Variants in PRKN observed in about 807,000 individuals in gnomAD.
PRKN encodes E3 ubiquitin-protein ligase parkin.
In PRKN, 56 loss-of-function variants were observed where a neutral mutation model predicts 59.5. The observed-to-expected ratio is 0.94, with a 90% CI of 0.76 to 1.18. PRKN has a LOEUF of 1.18. Among genes scored for constraint, PRKN ranks in the 50% most tolerant of loss-of-function variants. PRKN has a pLI of 0.00. For synonymous variants in PRKN, 250 were observed against 222.1 expected, an observed-to-expected ratio of 1.13 and a Z score of -1.12; for missense variants, 657 against 596.4, an observed-to-expected ratio of 1.10 and a Z score of -1.06.
intron 7 of PRKN, among the ~76,000 whole-genome samples, chr6:161,691,659 G>A (rs1272781799): frequency 6.6e-6 from 1 of 152,088 alleles, no homozygotes; most frequent in Non-Finnish European, 1.5e-5. Flanking sequence ...TATGCTTGGG[G>A]GGCATTTTAA....
At chr6:162,431,890 A>C (rs1434725151) in intron 2 of PRKN, among the ~76,000 whole-genome samples, 2 of 152,208 alleles carry the variant, frequency 1.3e-5, no homozygotes, top group Non-Finnish European at 2.9e-5. Flanking sequence ...CAAAGTAATT[A>C]GTGAATTTAT....
intron 2 of PRKN, among the ~76,000 whole-genome samples, chr6:162,299,709 G>A (rs1392668799): frequency 6.6e-6 from 1 of 150,890 alleles, no homozygotes; most frequent in East Asian, 1.9e-4. Flanking sequence ...GTGTCTATAG[G>A]TCTGTGTTTT....
intron 7 of PRKN, among the ~76,000 whole-genome samples, chr6:161,706,493 T>C (rs1309034458): frequency 6.6e-6 from 1 of 152,188 alleles, no homozygotes; most frequent in African/African-American, 2.4e-5. Flanking sequence ...GGTGCCTTAC[T>C]CATCTGTTCT....
rs558658196 is a variant in PRKN at position 162,111,397 on chromosome 6, A to G, written c.535-57223T>C. Among the ~76,000 whole-genome samples the G allele has an allele frequency of 4.6e-5, 7 of 152,182 alleles. No individual in the cohort carries two copies. In the South Asian group the frequency reaches 1.2e-3, roughly 27 times the overall value. ...GGAGAATGGTGTGAACCTGGGAGGC[A>G]GAGCTTGCAGTGAGCCGAGACTGCA... is the stretch of plus-strand genomic sequence containing the variant. On this transcript the variant is annotated intron_variant, in intron 4 of 11. Transcript: ENST00000366898.
At chr6:161,464,933 A>G (rs1285669517) in intron 9 of PRKN, among the ~76,000 whole-genome samples, 1 of 152,192 alleles carries the variant, frequency 6.6e-6, no homozygotes, top group African/African-American at 2.4e-5. Flanking sequence ...CCCACAAAAT[A>G]TCTCCTTGGA....
intron 6 of PRKN, among the ~76,000 whole-genome samples, chr6:161,972,274 C>CA (rs34466786): frequency 0.058 from 5,286 of 91,220 alleles, 240 homozygotes; most frequent in African/African-American, 0.18. Flanking sequence ...AACTCCTTCT[C>CA]AAAAAAAAAA....
chr6:161,849,441 C>T (rs116228717), intron 6 of PRKN, among the ~76,000 whole-genome samples: 173 of 152,074 alleles, frequency 1.1e-3, no homozygotes, highest in African/African-American at 3.9e-3. Flanking sequence ...ATTTTTTGTA[C>T]TCATTTAATA....
chr6:162,094,522 T>C (rs1583023383), intron 4 of PRKN, among the ~76,000 whole-genome samples: 2 of 151,126 alleles, frequency 1.3e-5, no homozygotes, highest in South Asian at 4.2e-4. Flanking sequence ...AATTAATTAA[T>C]TTAATTTAAT....
chr6:162,144,380 T>C (rs1484926811), intron 4 of PRKN, among the ~76,000 whole-genome samples: 1 of 152,184 alleles, frequency 6.6e-6, no homozygotes, highest in Non-Finnish European at 1.5e-5. Context: ...TTTGTAGAGG[T>C]GCTCAAAGTA....
intron 9 of PRKN, among the ~76,000 whole-genome samples, chr6:161,426,046 C>T (rs1026463522): frequency 1.3e-5 from 2 of 152,002 alleles, no homozygotes; most frequent in South Asian, 2.1e-4. Flanking sequence ...TGAGTGATGG[C>T]CTCCCAAGTG....
chr6:161,651,840 G>C (rs1223509189), intron 7 of PRKN, among the ~76,000 whole-genome samples: 1 of 152,174 alleles, frequency 6.6e-6, no homozygotes, highest in Non-Finnish European at 1.5e-5. Flanking sequence ...AGAGCCCTGA[G>C]CTGGGACCCA....
intron 2 of PRKN, among the ~76,000 whole-genome samples, chr6:162,279,305 T>G (rs1465078787): frequency 6.7e-6 from 1 of 148,188 alleles, no homozygotes; most frequent in East Asian, 2.0e-4. Context: ...ACCATTGCAC[T>G]CCATCCAGCC....
intron 3 of PRKN, among the ~76,000 whole-genome samples, chr6:162,249,693 G>A (rs1354360244): frequency 6.6e-6 from 1 of 152,090 alleles, no homozygotes; most frequent in African/African-American, 2.4e-5. Context: ...TTAATTATCT[G>A]GGTCAAATTA....
At chr6:161,970,362 A>G (rs944116634) in intron 6 of PRKN, among the ~76,000 whole-genome samples, 7 of 151,290 alleles carry the variant, frequency 4.6e-5, no homozygotes, top group African/African-American at 1.7e-4. Context: ...AAAATTTATC[A>G]TAATGTCCTG....
chr6:161,975,731 C>T (rs1004316224), intron 5 of PRKN, among the ~76,000 whole-genome samples: 3 of 152,136 alleles, frequency 2.0e-5, no homozygotes, highest in African/African-American at 7.2e-5. Context: ...TGATGTTGTT[C>T]CTACCGCTCA....
At chr6:162,705,101 T>A in intron 1 of PRKN, among the ~76,000 whole-genome samples, 1 of 152,318 alleles carries the variant, frequency 6.6e-6, no homozygotes, top group Middle Eastern at 3.4e-3. Context: ...ACTTTAGTAA[T>A]AACTACTAAA....
At chr6:162,158,197 T>C (rs2849601) in intron 4 of PRKN, among the ~76,000 whole-genome samples, 141,949 of 151,978 alleles carry the variant, frequency 0.93, 66,951 homozygotes, top group Non-Finnish European at 1. Flanking sequence ...GGGTGATGGA[T>C]GTGATCTATC....
At chr6:162,330,214 A>G (rs904330707) in intron 2 of PRKN, among the ~76,000 whole-genome samples, 1 of 152,004 alleles carries the variant, frequency 6.6e-6, no homozygotes, top group South Asian at 2.1e-4. Context: ...GCTCTTTTCC[A>G]TGGTTTATAA....
chr6:162,463,317 C>T (rs1367860815), intron 1 of PRKN, among the ~76,000 whole-genome samples: 2 of 152,146 alleles, frequency 1.3e-5, no homozygotes, highest in Non-Finnish European at 2.9e-5. Flanking sequence ...ATCACTGTAA[C>T]ATTAACACTG....
Sources: gnomAD v4.1 joint callset for allele counts (sites outside exome capture counted in the v4.1 genomes callset) on GRCh38, gnomAD v4.1.1 for gene constraint, MANE v1.5 for transcripts, NCBI Gene and HGNC (gene_info 2026-07-23, HGNC 2026-07-21) for gene names.